The following TMEM131 variants were observed in gnomAD, a reference collection of about 807,000 sequenced individuals.
TMEM131 encodes transmembrane protein 131, also known as 2610524E03Rik.
Under a neutral mutation model 211.6 loss-of-function variants are expected in TMEM131, and 66 were observed. That is an observed-to-expected ratio of 0.31 (90% CI 0.26 to 0.38). TMEM131 has a LOEUF of 0.38. TMEM131 is among the 10% of genes least tolerant of loss of function. TMEM131 has a pLI of 1.00. For missense variants in TMEM131, 2,036 were observed against 2,299.3 expected, an observed-to-expected ratio of 0.89 and a Z score of 2.34; for synonymous variants, 844 against 841.3, an observed-to-expected ratio of 1.00 and a Z score of -0.06.
At chr2:97,862,543 TAAAAACAA>T in intron 4 of TMEM131, among the ~76,000 whole-genome samples, 1 of 151,986 alleles carries the variant, frequency 6.6e-6, no homozygotes, top group South Asian at 2.1e-4. Context: ...CTGAAATAAT[TAAAAACAA>T]TCAAGCAGAA....
chr2:97,805,076 TA>T lies in TMEM131; in HGVS notation c.2402+11del. On this transcript the variant is annotated intron_variant, in intron 22 of 40. Transcript: ENST00000186436. ...TAAAGATGGCTAAAATAAATAAACA[TA>T]AACCACTCACCTATGACCTGAATTT... 1 of 1,561,836 alleles carries T rather than the reference TA, an allele frequency of 6.4e-7. No homozygotes were observed. The highest frequency in any genetic ancestry group is 8.7e-7 in the Non-Finnish European group (1 of 1,146,762).
intron 25 of TMEM131, 28 bp from the exon 26 acceptor site, chr2:97,797,544 G>A: frequency 6.3e-7 from 1 of 1,579,160 alleles, no homozygotes; most frequent in Non-Finnish European, 8.6e-7. Flanking sequence ...ACAGAGAGGA[G>A]TCATGAATAT....
intron 1 of TMEM131, among the ~76,000 whole-genome samples, chr2:97,938,001 C>T (rs994970406): frequency 6.6e-6 from 1 of 152,158 alleles, no homozygotes; most frequent in African/African-American, 2.4e-5. Flanking sequence ...ACCACCAGGC[C>T]TGCCTTACAA....
intron 1 of TMEM131, among the ~76,000 whole-genome samples, chr2:97,988,133 A>G (rs1347833840): frequency 1.3e-5 from 2 of 152,184 alleles, no homozygotes; most frequent in Non-Finnish European, 2.9e-5. Flanking sequence ...AAACAGAATA[A>G]AGTGTCCAGA....
intron 2 of TMEM131, among the ~76,000 whole-genome samples, chr2:97,914,992 T>A (rs12712174): frequency 0.75 from 113,960 of 152,152 alleles, 44,337 homozygotes; most frequent in African/African-American, 0.87. Flanking sequence ...TCACATACCC[T>A]CTAGTAATGC....
Position 97,969,728 on chromosome 2 carries a change from G to A in TMEM131, c.187+25748C>T, listed in dbSNP as rs573105986. Among the ~76,000 whole-genome samples the A allele has an allele frequency of 5.8e-4, 88 of 152,310 alleles. 1 individual carries two copies. The highest frequency in any genetic ancestry group is 2.0e-3 in the African/African-American group (85 of 41,568). On this transcript the variant is annotated intron_variant, in intron 1 of 40. Transcript: ENST00000186436. The stretch of plus-strand genomic sequence containing the variant: ...CAAGTTGATGCAATAAAAATCTGCA[G>A]GAATAGAACTATGAAACTGAAAGCC...
At chr2:97,787,778 G>C (rs551275235) in intron 31 of TMEM131, among the ~76,000 whole-genome samples, 1 of 152,296 alleles carries the variant, frequency 6.6e-6, no homozygotes, top group African/African-American at 2.4e-5. Flanking sequence ...CACCCAGAGT[G>C]TTGCATAAGG....
At chr2:97,843,066 T>TG (rs1553604413) in intron 6 of TMEM131, among the ~76,000 whole-genome samples, 3 of 134,536 alleles carry the variant, frequency 2.2e-5, no homozygotes, top group African/African-American at 8.4e-5. Flanking sequence ...AGGAAATGTT[T>TG]AAAAAAAAAA....
At chr2:97,805,008 A>G in intron 22 of TMEM131, 80 bp downstream of exon 22, 1 of 990,720 alleles carries the variant, frequency 1.0e-6, no homozygotes, top group Non-Finnish European at 1.4e-6. Context: ...AATCTAACAT[A>G]AGAATATAAT....
intron 1 of TMEM131, among the ~76,000 whole-genome samples, chr2:97,944,264 C>T (rs1465054243): frequency 6.6e-6 from 1 of 152,018 alleles, no homozygotes; most frequent in Non-Finnish European, 1.5e-5. Context: ...ACTGGAATAA[C>T]TAGGTATCTG....
At chr2:97,973,218 C>T (rs1268151696) in intron 1 of TMEM131, among the ~76,000 whole-genome samples, 2 of 152,220 alleles carry the variant, frequency 1.3e-5, no homozygotes, top group Non-Finnish European at 2.9e-5. Context: ...ATGCCAGTTA[C>T]ACTGTAGAAT....
At chr2:97,763,537 C>G (rs1303770938) in intron 35 of TMEM131, 1 of 152,592 alleles carries the variant, frequency 6.6e-6, no homozygotes. Flanking sequence ...CCATACGAGC[C>G]CTGCTCGAAT....
rs757540728 is a variant in TMEM131 at position 97,775,843 on chromosome 2, C to A, written c.4320G>T (p.Glu1440Asp). 6.2e-7 allele frequency: 1 copy of A among 1,612,186 alleles called. No individual in the cohort carries two copies. Among genetic ancestry groups the A allele is most frequent in the African/African-American group, 1.3e-5 (1 of 74,736 alleles). The change falls in exon 32 of 41, where the codon GAG (glutamate) becomes GAT (aspartate). Residue 1440 changes from glutamate (E) to aspartate (D), a missense_variant and splice_region_variant. This residue lies in a region of TMEM131 where 1,623 missense variants were observed against 1,805.9 expected (regional missense o/e 0.90). Transcript: ENST00000186436. ...SNPDTEPLLK[E>D]DTEKQKGKQA... is the part of the protein sequence containing the mutation. ...TTTGTTGTGTGAGATCAGCCCGTAC[C>A]TCCTTGAGGAGCGGTTCTGTGTCAG... is the stretch of plus-strand genomic sequence containing the variant.
At chr2:97,894,255 C>T (rs1417002229) in intron 3 of TMEM131, among the ~76,000 whole-genome samples, 1 of 152,174 alleles carries the variant, frequency 6.6e-6, no homozygotes, top group East Asian at 1.9e-4. Context: ...GTTTTGGTAC[C>T]AGTACCATGC....
intron 2 of TMEM131, among the ~76,000 whole-genome samples, chr2:97,913,927 A>ACTAT (rs1676397785): frequency 6.6e-6 from 1 of 152,150 alleles, no homozygotes; most frequent in Non-Finnish European, 1.5e-5. Context: ...AGGCGATGAG[A>ACTAT]CTATGCTTCT....
intron 4 of TMEM131, among the ~76,000 whole-genome samples, chr2:97,875,262 A>C (rs1166112754): frequency 1.3e-5 from 2 of 152,188 alleles, no homozygotes; most frequent in African/African-American, 4.8e-5. Context: ...CACACAATCT[A>C]ATAGTGGGAG....
chr2:97,818,778 C>T, intron 11 of TMEM131, 57 bp from the exon 12 acceptor site: 2 of 1,168,190 alleles, frequency 1.7e-6, no homozygotes, highest in Admixed American at 2.1e-5. Flanking sequence ...GGTTCAGTTG[C>T]CTTATACTTA....
intron 2 of TMEM131, 99 bp downstream of exon 2, chr2:97,927,323 TATAA>T (rs1677033410): frequency 1.1e-6 from 1 of 876,980 alleles, no homozygotes. Flanking sequence ...GCTCATAAAA[TATAA>T]ATATATTTCA....
intron 1 of TMEM131, among the ~76,000 whole-genome samples, chr2:97,959,401 A>T (rs548736891): frequency 6.6e-6 from 1 of 152,188 alleles, no homozygotes; most frequent in African/African-American, 2.4e-5. Flanking sequence ...TGTGGTCCTG[A>T]CTCTCAAACA....
Sources: allele counts gnomAD v4.1 joint callset (sites outside exome capture counted in the v4.1 genomes callset), GRCh38; gene constraint gnomAD v4.1.1; regional missense constraint gnomAD v4.1.1; transcripts MANE v1.5; gene names NCBI Gene and HGNC (gene_info 2026-07-23, HGNC 2026-07-21).